GRWD1: variants seen among roughly 807,000 people sequenced by gnomAD.
The protein encoded by GRWD1 is glutamate-rich WD repeat-containing protein 1.
In GRWD1, 29 loss-of-function variants were observed where a neutral mutation model predicts 45.3. The ratio of observed to expected loss-of-function variants is 0.64; its 90% CI spans 0.48 to 0.87. GRWD1 has a LOEUF of 0.87. Among genes scored for constraint, GRWD1 ranks in the 40% least tolerant of loss-of-function variants. The pLI is 0.00. For synonymous variants in GRWD1, 262 were observed against 257.6 expected, an observed-to-expected ratio of 1.02 and a Z score of -0.16; for missense variants, 592 against 618.8, an observed-to-expected ratio of 0.96 and a Z score of 0.46.
At position 48,452,896 on chromosome 19, in the gene GRWD1, G is replaced by A. The variant is rs139322877; in HGVS notation, c.1212G>A (p.Pro404=). The change falls in exon 7 of 7, where the codon CCG becomes CCA. Residue 404 remains proline, a synonymous_variant. Coordinates refer to ENST00000253237, the MANE Select transcript of GRWD1 (RefSeq NM_031485.4). The surrounding 1 kb of genome is among the most constrained non-coding windows in gnomAD (Gnocchi z 5.1). ...VEADPGLADL[P]QQLLFVHQGE... is the part of the protein sequence containing the mutation. ...CCGACCCCGGACTGGCCGACCTCCC[G>A]CAGCAGCTGCTGTTCGTGCACCAGG... is the stretch of plus-strand genomic sequence containing the variant. 87 of 1,612,086 alleles carry A rather than the reference G, an allele frequency of 5.4e-5. No homozygotes were observed. The highest frequency in any genetic ancestry group is 6.7e-5 in the Non-Finnish European group (79 of 1,179,820).
rs1389298760 is a variant in GRWD1, at chr19:48,451,055, G to A, written c.847G>A (p.Asp283Asn). Reference sequence around the variant, plus strand: ...CCAGGTGTTTGCCTCCTGCTCAGCTGACGCCTCCATCCGCATCTGGGACAT... The same window carrying A: ...CCAGGTGTTTGCCTCCTGCTCAGCTAACGCCTCCATCCGCATCTGGGACAT... ...ENTVFASCSA[D>N]ASIRIWDIRA... Residue 283 changes from aspartate to asparagine, a missense_variant, in exon 6 of 7, where the codon GAC (aspartate) becomes AAC (asparagine). Coordinates refer to ENST00000253237, the MANE Select transcript of GRWD1 (RefSeq NM_031485.4). 6.2e-7 allele frequency: 1 copy of A among 1,613,926 alleles called. No individual in the cohort carries two copies. The highest frequency in any genetic ancestry group is 1.3e-5 in the African/African-American group (1 of 75,042).
At chr19:48,449,318 C>CT (rs1448966197) in intron 3 of GRWD1, among the ~76,000 whole-genome samples, 3 of 152,140 alleles carry the variant, frequency 2.0e-5, no homozygotes, top group Non-Finnish European at 2.9e-5. Context: ...GGTCTCGCTC[C>CT]TGACCTCAGG....
Position 48,453,318 on chromosome 19 carries a change from C to A in GRWD1, c.*293C>A. ...TTCCTGTCAGCTGTGACCCATTTGA[C>A]CTGTGTCCCCAGAACCCAGTTTTTT... On this transcript the variant is annotated 3_prime_UTR_variant, in exon 7 of 7. Transcript: ENST00000253237. 3.0e-6 allele frequency: 1 copy of A among 328,866 alleles called. No homozygotes were observed. Among genetic ancestry groups the A allele is most frequent in the Non-Finnish European group, 5.6e-6 (1 of 179,802 alleles). The allele number at this position is 328,866 out of a possible 1,614,324, so 20.4% of individuals were successfully genotyped here. A position where few individuals can be genotyped will look rare whatever the true frequency, so the allele number is the denominator to read the frequency against.
In GRWD1 at chr19:48,454,694, A is replaced by G. The variant is rs1971517078; in HGVS notation, c.*1669A>G. On this transcript the variant is annotated 3_prime_UTR_variant, in exon 7 of 7. Transcript: ENST00000253237. ...CCCTGTCCTCAGCTTGTCCCCTTCAAGAAGGCCTTGTCTTCCCATCAGTGA... is the reference window on the plus strand; with the variant it reads ...CCCTGTCCTCAGCTTGTCCCCTTCAGGAAGGCCTTGTCTTCCCATCAGTGA... 1 of 151,838 alleles carries G rather than the reference A, an allele frequency of 6.6e-6. No individual in the cohort carries two copies. Among genetic ancestry groups the G allele is most frequent in the African/African-American group, 2.4e-5 (1 of 41,148 alleles). 9.4% of individuals were successfully genotyped at this position (151,838 alleles called of 1,614,324 possible). A position where few individuals can be genotyped will look rare whatever the true frequency, so the allele number is the denominator to read the frequency against.
chr19:48,446,561 C>T, intron 2 of GRWD1, 59 bp downstream of exon 2: 2 of 1,586,600 alleles, frequency 1.3e-6, no homozygotes, highest in Middle Eastern at 1.7e-4. Context: ...TTCCTCAGCA[C>T]CCAGGAGTTA....
chr19:48,448,633 G>T (rs967817104), intron 3 of GRWD1, among the ~76,000 whole-genome samples: 1 of 152,218 alleles, frequency 6.6e-6, no homozygotes, highest in Non-Finnish European at 1.5e-5. Context: ...GTCATAAAAT[G>T]CCATTTGCAT....
rs775004198 is a variant in GRWD1, at chr19:48,452,962, C to T, written c.1278C>T (p.Cys426=). The change falls in exon 7 of 7, where the codon TGC becomes TGT. Residue 426 remains cysteine (C), a synonymous_variant. Transcript: ENST00000253237. The surrounding 1 kb of genome is among the most constrained non-coding windows in gnomAD (Gnocchi z 5.1). ...ELKELHWHPQ[C]PGLLVSTALS... ...AGGAGCTGCACTGGCACCCGCAGTG[C>T]CCAGGGCTCCTGGTCAGCACGGCGC... The T allele has an allele frequency of 5.6e-6, 9 of 1,611,626 alleles. No individual in the cohort carries two copies. Among genetic ancestry groups the T allele is most frequent in the Middle Eastern group, 1.7e-4 (1 of 6,060 alleles).
rs762389782 is a variant in GRWD1, at chr19:48,452,803, T to A, written c.1119T>A (p.Gly373=). 1.1e-5 allele frequency: 17 copies of A among 1,612,752 alleles called. No individual in the cohort carries two copies. The highest frequency in any genetic ancestry group is 1.4e-5 in the Non-Finnish European group (17 of 1,179,126). ...ACAGCGGGGTCTTTGCAGCCTCGGG[T>A]GCAGACCACCAGATCACACAGTGGG... is the stretch of plus-strand genomic sequence containing the variant. ...PQDSGVFAAS[G]ADHQITQWDL... The change falls in exon 7 of 7, where the codon GGT becomes GGA. Residue 373 remains glycine, a synonymous_variant. Transcript: ENST00000253237. The surrounding 1 kb of genome is among the most constrained non-coding windows in gnomAD (Gnocchi z 5.1).
At position 48,452,456 on chromosome 19, in the gene GRWD1, G is replaced by T. The variant is rs1479966093; in HGVS notation, c.1024-252G>T. Among the ~76,000 whole-genome samples the T allele has an allele frequency of 6.6e-6, 1 of 152,128 alleles. No homozygotes were observed. The highest frequency in any genetic ancestry group is 1.5e-5 in the Non-Finnish European group (1 of 68,008). On this transcript the variant is annotated intron_variant, in intron 6 of 6. Transcript: ENST00000253237. The surrounding 1 kb of genome is among the most constrained non-coding windows in gnomAD (Gnocchi z 5.1). Reference sequence around the variant, plus strand: ...GGCAGAGGGAAGAGCAGGGGCGGGGGTTTTGCTACCTGAGCTGGGAGGGGC... The same window carrying T: ...GGCAGAGGGAAGAGCAGGGGCGGGGTTTTTGCTACCTGAGCTGGGAGGGGC...
Position 48,446,709 on chromosome 19 carries a change from C to T in GRWD1, c.334C>T (p.His112Tyr). ...RLMMLRMHNL[H>Y]GTKPPPSEGS... Reference sequence around the variant, plus strand: ...GATGATGCTTCGGATGCACAATCTGCATGGGACAAAGCCCCCACCCTCAGA... The same window carrying T: ...GATGATGCTTCGGATGCACAATCTGTATGGGACAAAGCCCCCACCCTCAGA... Residue 112 changes from histidine (H) to tyrosine (Y), a missense_variant, in exon 3 of 7, where the codon CAT (histidine) becomes TAT (tyrosine). Coordinates refer to ENST00000253237, the MANE Select transcript of GRWD1 (RefSeq NM_031485.4). 6.2e-7 allele frequency: 1 copy of T among 1,607,626 alleles called. No homozygotes were observed. Among genetic ancestry groups the T allele is most frequent in the South Asian group, 1.1e-5 (1 of 90,354 alleles).
chr19:48,446,983 C>T, intron 3 of GRWD1, 140 bp downstream of exon 3: 1 of 780,172 alleles, frequency 1.3e-6, no homozygotes, highest in Non-Finnish European at 1.9e-6. Flanking sequence ...GTCACCCAGG[C>T]TGGAGTGCAG....
In GRWD1 at chr19:48,455,465, G is replaced by A. The variant is rs1012838011; in HGVS notation, c.*2440G>A. 2.0e-5 allele frequency: 3 copies of A among 152,186 alleles called. No homozygotes were observed. Among genetic ancestry groups the A allele is most frequent in the African/African-American group, 4.8e-5 (2 of 41,430 alleles). The allele number at this position is 152,186 out of a possible 1,614,324, so 9.4% of individuals were successfully genotyped here. A position where few individuals can be genotyped will look rare whatever the true frequency, so the allele number is the denominator to read the frequency against. ...TTGACACGAAGTTGAAGCACCTTAA[G>A]CCCTGTATCTCCTTTATATGGAAAC... is the stretch of plus-strand genomic sequence containing the variant. On this transcript the variant is annotated 3_prime_UTR_variant, in exon 7 of 7. Coordinates refer to ENST00000253237, the MANE Select transcript of GRWD1 (RefSeq NM_031485.4).
intron 1 of GRWD1, 24 bp downstream of exon 1, chr19:48,446,216 G>C (rs1971400038): frequency 6.3e-7 from 1 of 1,580,958 alleles, no homozygotes; most frequent in South Asian, 1.1e-5. Context: ...CGGACTCCAG[G>C]GTCCTGAGGT....
rs1358401229 is a variant in GRWD1 at position 48,456,932 on chromosome 19, C to T, written c.*3907C>T. The T allele has an allele frequency of 6.6e-6, 1 of 151,488 alleles. No homozygotes were observed. The highest frequency in any genetic ancestry group is 1.5e-5 in the Non-Finnish European group (1 of 67,996). 9.4% of individuals were successfully genotyped at this position (151,488 alleles called of 1,614,324 possible). ...CTCAAACCCCTGGCCTCACGCATTC[C>T]TCCTGAGTTGGACTCCCAAAGTGCT... On this transcript the variant is annotated 3_prime_UTR_variant, in exon 7 of 7. Transcript: ENST00000253237.
At chr19:48,448,329 G>A (rs1440652584) in intron 3 of GRWD1, among the ~76,000 whole-genome samples, 1 of 152,210 alleles carries the variant, frequency 6.6e-6, no homozygotes, top group Non-Finnish European at 1.5e-5. Context: ...GGTATATGAA[G>A]AGCACTTAGA....
Position 48,450,745 on chromosome 19 carries a change from G to A in GRWD1, c.762G>A (p.Gln254=), listed in dbSNP as rs1971464506. Residue 254 remains glutamine (Q), a synonymous_variant, in exon 5 of 7, where the codon CAG becomes CAA. Coordinates refer to ENST00000253237, the MANE Select transcript of GRWD1 (RefSeq NM_031485.4). The surrounding 1 kb of genome is among the most constrained non-coding windows in gnomAD (Gnocchi z 5.1). ...PTDGGSWHVD[Q]RPFVGHTRSV... ...ACGGCGGCTCCTGGCACGTGGACCA[G>A]CGGCCATTCGTGGGCCACACACGCT... 6.2e-7 allele frequency: 1 copy of A among 1,614,000 alleles called. No homozygotes were observed. The highest frequency in any genetic ancestry group is 8.5e-7 in the Non-Finnish European group (1 of 1,180,048).
chr19:48,449,156 C>T (rs751029892), intron 3 of GRWD1, among the ~76,000 whole-genome samples: 24 of 152,094 alleles, frequency 1.6e-4, no homozygotes, highest in Admixed American at 6.5e-5. Flanking sequence ...CGCAATGGTG[C>T]GATCTCGGCT....
At chr19:48,446,224 G>T (rs766427847) in intron 1 of GRWD1, 32 bp downstream of exon 1, 20 of 1,585,148 alleles carry the variant, frequency 1.3e-5, no homozygotes, top group Middle Eastern at 3.4e-4. Context: ...AGGGTCCTGA[G>T]GTGGCTGATC....
chr19:48,453,162 ATTG>A lies in GRWD1; in HGVS notation c.*140_*142del, dbSNP rs1971496056. 9 of 744,142 alleles carry A rather than the reference ATTG, an allele frequency of 1.2e-5. No individual in the cohort carries two copies. The highest frequency in any genetic ancestry group is 3.0e-5 in the Admixed American group (1 of 33,582). 46.1% of individuals were successfully genotyped at this position (744,142 alleles called of 1,614,324 possible). On this transcript the variant is annotated 3_prime_UTR_variant, in exon 7 of 7. Transcript: ENST00000253237. Reference sequence around the variant, plus strand: ...TGCCGTGATGGATTCTGTTTGACGTATTGTTCTCTAGAAGGCCTGGCTCTGATC... The same window carrying A: ...TGCCGTGATGGATTCTGTTTGACGTATTCTCTAGAAGGCCTGGCTCTGATC...
Sources: gnomAD v4.1 joint callset for allele counts (sites outside exome capture counted in the v4.1 genomes callset) on GRCh38, gnomAD v4.1.1 for gene constraint, Gnocchi (gnomAD v3.1) non-coding constraint, MANE v1.5 for transcripts, NCBI Gene and HGNC (gene_info 2026-07-23, HGNC 2026-07-21) for gene names.